ZFHX3: variants seen among roughly 807,000 people sequenced by gnomAD.
ZFHX3 encodes zinc finger homeobox 3, also known as zinc finger homeobox protein 3.
In ZFHX3, 42 loss-of-function variants were observed where a neutral mutation model predicts 279.1. That is an observed-to-expected ratio of 0.15 (90% CI 0.12 to 0.19). The LOEUF (loss-of-function observed/expected upper bound fraction) is 0.19, where lower values mean the gene tolerates loss of function less well. Ranked by LOEUF, ZFHX3 falls within the 10% of genes least tolerant of loss-of-function variation. The probability of loss-of-function intolerance (pLI) is 1.00; values close to 1 mark genes in which losing one functional copy is unlikely to be tolerated. For synonymous variants in ZFHX3, 2,293 were observed against 1,957.8 expected (o/e 1.17, Z -4.52); for missense variants, 4,981 against 4,754.0 (o/e 1.05, Z -1.40).
intron 1 of ZFHX3, among the ~76,000 whole-genome samples, chr16:73,698,814 G>T (rs1487232116): frequency 6.6e-6 from 1 of 152,100 alleles, no homozygotes; most frequent in Non-Finnish European, 1.5e-5. Context: ...TCCTGCACTG[G>T]GTTCTGGATA....
chr16:73,357,567 T>C (rs575301235), intron 3 of ZFHX3, among the ~76,000 whole-genome samples: 654 of 152,276 alleles, frequency 4.3e-3, no homozygotes, highest in Middle Eastern at 0.014. Context: ...AATGTCACTG[T>C]GGTTTTGCCA....
intron 5 of ZFHX3, among the ~76,000 whole-genome samples, chr16:73,221,391 T>A (rs1292162481): frequency 6.6e-6 from 1 of 152,152 alleles, no homozygotes; most frequent in African/African-American, 2.4e-5. Flanking sequence ...TATACTTGAG[T>A]ATATATTTTA....
intron 4 of ZFHX3, among the ~76,000 whole-genome samples, chr16:73,317,009 A>G (rs2015465009): frequency 6.6e-6 from 1 of 152,204 alleles, no homozygotes; most frequent in Admixed American, 6.5e-5. Flanking sequence ...AGGAACTTGG[A>G]GACTAGCCAG....
intron 2 of ZFHX3, among the ~76,000 whole-genome samples, chr16:73,550,846 A>C (rs1363253132): frequency 6.6e-6 from 1 of 152,196 alleles, no homozygotes; most frequent in Admixed American, 6.5e-5. Context: ...AAAGGGAATT[A>C]TTTTATTTTG....
At position 72,798,646 on chromosome 16, in the gene ZFHX3, G is replaced by C. The variant is rs773641458; in HGVS notation, c.4036C>G (p.Pro1346Ala). The C allele has an allele frequency of 3.7e-6, 6 of 1,613,496 alleles. No individual in the cohort carries two copies. Among genetic ancestry groups the C allele is most frequent in the Admixed American group, 1.7e-5 (1 of 59,936 alleles). Residue 1346 changes from proline (P) to alanine (A), a missense_variant, in exon 9 of 10, where the codon CCA becomes GCA. Physicochemically the swap from Pro to Ala is conservative, Grantham distance 27 (BLOSUM62 -1). Transcript: ENST00000268489. ...ACAGAGCCTGGGTCAGCAGGGGATGGTTTCAAATCTCCGCTTTGCTCTGTG... is the reference window on the plus strand; with the variant it reads ...ACAGAGCCTGGGTCAGCAGGGGATGCTTTCAAATCTCCGCTTTGCTCTGTG... ...ASTEQSGDLK[P>A]SPADPGSVRE...
chr16:73,640,218 G>A (rs964483037), intron 2 of ZFHX3, among the ~76,000 whole-genome samples: 6 of 152,134 alleles, frequency 3.9e-5, no homozygotes, highest in African/African-American at 1.4e-4. Context: ...GAAATTACAG[G>A]AGGTTTCTCT....
intron 4 of ZFHX3, among the ~76,000 whole-genome samples, chr16:72,868,911 G>A (rs549690952): frequency 6.6e-6 from 1 of 152,294 alleles, no homozygotes; most frequent in East Asian, 1.9e-4. Context: ...GGTCTTGGCA[G>A]GAATTCTAAG....
At chr16:73,231,802 T>G (rs1428633894) in intron 5 of ZFHX3, among the ~76,000 whole-genome samples, 2 of 152,216 alleles carry the variant, frequency 1.3e-5, no homozygotes, top group African/African-American at 4.8e-5. Context: ...TTACCACTTC[T>G]TTGCATATTT....
intron 2 of ZFHX3, among the ~76,000 whole-genome samples, chr16:73,662,528 T>C (rs2142176610): frequency 6.6e-6 from 1 of 152,252 alleles, no homozygotes; most frequent in African/African-American, 2.4e-5. Flanking sequence ...TCAAAAGCCC[T>C]CACTTTAGAA....
chr16:73,846,316 G>A (rs768352468), intron 1 of ZFHX3, among the ~76,000 whole-genome samples: 3 of 152,208 alleles, frequency 2.0e-5, no homozygotes, highest in African/African-American at 7.2e-5. Context: ...AAATAGGAGC[G>A]TCTATCCTCT....
chr16:73,065,324 T>C (rs1158013388), intron 8 of ZFHX3, among the ~76,000 whole-genome samples: 1 of 152,082 alleles, frequency 6.6e-6, no homozygotes, highest in Non-Finnish European at 1.5e-5. Flanking sequence ...CATGCTTGCA[T>C]TTCTTGCAGG....
rs183523686 is a variant in ZFHX3 at position 73,638,079 on chromosome 16, A to G, written c.-1547+42101T>C. Among the ~76,000 whole-genome samples the G allele has an allele frequency of 7.4e-4, 113 of 152,330 alleles. 1 individual carries two copies. The highest frequency in any genetic ancestry group is 2.9e-4 in the Non-Finnish European group (20 of 68,028). On this transcript the variant is annotated intron_variant, in intron 2 of 17. Coordinates refer to the ZFHX3 transcript ENST00000641206. ...TTTCATACACTGTTAATATGAGTAT[A>G]AATTTATATACAACATCCTGAGGGC...
intron 5 of ZFHX3, among the ~76,000 whole-genome samples, chr16:73,184,745 C>T (rs1967874442): frequency 6.6e-6 from 1 of 152,146 alleles, no homozygotes; most frequent in Admixed American, 6.5e-5. Flanking sequence ...CCCAAGGATT[C>T]AATGTCAGTG....
At chr16:73,588,013 A>G (rs960947578) in intron 2 of ZFHX3, among the ~76,000 whole-genome samples, 1 of 152,192 alleles carries the variant, frequency 6.6e-6, no homozygotes, top group African/African-American at 2.4e-5. Context: ...CACAAACGGT[A>G]AAGCAAATAT....
At chr16:73,249,851 A>ACACAC (rs1567430382) in intron 5 of ZFHX3, among the ~76,000 whole-genome samples, 1 of 86,054 alleles carries the variant, frequency 1.2e-5, no homozygotes, top group Non-Finnish European at 2.6e-5. Flanking sequence ...CACACACACA[A>ACACAC]AATTCAAAAG....
chr16:73,411,888 A>C (rs550953850), intron 3 of ZFHX3, among the ~76,000 whole-genome samples: 23 of 152,304 alleles, frequency 1.5e-4, no homozygotes, highest in African/African-American at 5.3e-4. Context: ...TCCAGTCTAC[A>C]TGATAGCAGG....
chr16:73,883,628 A>C (rs984210857), intron 1 of ZFHX3, among the ~76,000 whole-genome samples: 1 of 152,002 alleles, frequency 6.6e-6, no homozygotes, highest in African/African-American at 2.4e-5. Context: ...GGTAAAAATC[A>C]CCTGAAAACA....
intron 1 of ZFHX3, among the ~76,000 whole-genome samples, chr16:73,720,275 T>C (rs1177078145): frequency 6.6e-6 from 1 of 152,144 alleles, no homozygotes; most frequent in East Asian, 1.9e-4. Context: ...TTATCAACAC[T>C]CTTAAAAATA....
intron 1 of ZFHX3, among the ~76,000 whole-genome samples, chr16:73,734,419 G>T (rs1169407695): frequency 6.6e-6 from 1 of 152,178 alleles, no homozygotes; most frequent in African/African-American, 2.4e-5. Flanking sequence ...AAAGAATAAT[G>T]AAGAGATGGA....
Sources: allele counts gnomAD v4.1 joint callset (sites outside exome capture counted in the v4.1 genomes callset), GRCh38; gene constraint gnomAD v4.1.1; transcripts MANE v1.5; gene names NCBI Gene and HGNC (gene_info 2026-07-23, HGNC 2026-07-21).